B4GALT5: variants seen among roughly 807,000 people sequenced by gnomAD.
The protein encoded by B4GALT5 is beta-1,4-galactosyltransferase 5.
In B4GALT5, 11 loss-of-function variants were observed where a neutral mutation model predicts 45.0. The observed-to-expected ratio is 0.24, with a 90% CI of 0.15 to 0.40. B4GALT5 has a LOEUF of 0.40. Among genes scored for constraint, B4GALT5 ranks in the 10% least tolerant of loss-of-function variants. The probability of loss-of-function intolerance (pLI) is 1.00; values close to 1 mark genes in which losing one functional copy is unlikely to be tolerated. For synonymous variants in B4GALT5, 185 were observed against 182.9 expected (o/e 1.01, Z -0.09); for missense variants, 337 against 500.2 (o/e 0.67, Z 3.11).
intron 1 of B4GALT5, among the ~76,000 whole-genome samples, chr20:49,671,724 T>C (rs753228298): frequency 1.3e-5 from 2 of 152,212 alleles, no homozygotes; most frequent in Non-Finnish European, 2.9e-5. Context: ...AGTAACCAAA[T>C]CTGTTTAAAT....
intron 2 of B4GALT5, among the ~76,000 whole-genome samples, chr20:49,650,960 T>C (rs2085620171): frequency 6.6e-6 from 1 of 152,176 alleles, no homozygotes; most frequent in African/African-American, 2.4e-5. Flanking sequence ...AACCTGGACA[T>C]GTTCTTGAAG....
intron 3 of B4GALT5, among the ~76,000 whole-genome samples, chr20:49,644,633 G>A (rs1200065803): frequency 2.0e-5 from 3 of 152,090 alleles, no homozygotes; most frequent in African/African-American, 4.8e-5. Context: ...GCCTGTCAAC[G>A]CCTATTTCTG....
intron 1 of B4GALT5, among the ~76,000 whole-genome samples, chr20:49,679,771 T>C (rs953223923): frequency 7.9e-5 from 12 of 152,210 alleles, no homozygotes; most frequent in Non-Finnish European, 1.8e-4. Context: ...CAGCCAGGTT[T>C]TCCTTTAACA....
intron 5 of B4GALT5, among the ~76,000 whole-genome samples, chr20:49,641,386 T>TAAAACAAGACAAAAC (rs1160575409): frequency 1.3e-5 from 2 of 152,218 alleles, no homozygotes; most frequent in Non-Finnish European, 2.9e-5. Flanking sequence ...TTTGTCTTGT[T>TAAAACAAGACAAAAC]TTATTTTTAA....
intron 1 of B4GALT5, among the ~76,000 whole-genome samples, chr20:49,657,620 G>A (rs887600399): frequency 8.5e-5 from 13 of 152,154 alleles, no homozygotes; most frequent in African/African-American, 3.1e-4. Context: ...TGTTACAGGG[G>A]TGGAACATTT....
Position 49,636,462 on chromosome 20 carries a change from G to A in B4GALT5, c.1020-3C>T, listed in dbSNP as rs765293385. 1.7e-5 allele frequency: 27 copies of A among 1,614,016 alleles called. No homozygotes were observed. In the Admixed American group the frequency reaches 3.3e-4, roughly 20 times the overall value. On this transcript the variant is annotated splice_polypyrimidine_tract_variant and splice_region_variant and intron_variant, in intron 8 of 8. Transcript: ENST00000371711. ...TTGACTTCCTCAGCAGAGCATACCT[G>A]TTTAGGGAGGGAACAGAGAAGAGGT...
At chr20:49,669,582 G>A (rs1235754567) in intron 1 of B4GALT5, among the ~76,000 whole-genome samples, 2 of 151,444 alleles carry the variant, frequency 1.3e-5, no homozygotes, top group Admixed American at 1.3e-4. Flanking sequence ...TGTAATCCCA[G>A]TTACTCGGGA....
intron 1 of B4GALT5, among the ~76,000 whole-genome samples, chr20:49,688,317 A>G (rs1216618559): frequency 6.6e-6 from 1 of 152,212 alleles, no homozygotes; most frequent in East Asian, 1.9e-4. Context: ...CTAAGAAGAC[A>G]AAGATTAAAG....
intron 3 of B4GALT5, among the ~76,000 whole-genome samples, chr20:49,646,658 C>T (rs1025627901): frequency 1.3e-5 from 2 of 152,062 alleles, no homozygotes; most frequent in South Asian, 4.2e-4. Context: ...AAAGTACCCT[C>T]GTTGTTAAGC....
At chr20:49,705,083 T>C (rs911375091) in intron 1 of B4GALT5, among the ~76,000 whole-genome samples, 9 of 152,154 alleles carry the variant, frequency 5.9e-5, no homozygotes, top group African/African-American at 2.2e-4. Context: ...ACTGAATTCA[T>C]GCAACCAGCA....
In B4GALT5 at chr20:49,664,882, T is replaced by C. The variant is rs575949489; in HGVS notation, c.116-8180A>G. Among the ~76,000 whole-genome samples, 41 of 152,362 alleles carry C rather than the reference T, an allele frequency of 2.7e-4. No homozygotes were observed. The South Asian group carries it at 8.1e-3, about 30-fold the overall frequency. Reference sequence around the variant, plus strand: ...TGCATATAAAAAGTTAAAGCAAATGTGACAAAATGCTACCAACTGGTGAAC... The same window carrying C: ...TGCATATAAAAAGTTAAAGCAAATGCGACAAAATGCTACCAACTGGTGAAC... On this transcript the variant is annotated intron_variant, in intron 1 of 8. Transcript: ENST00000371711.
chr20:49,702,572 A>C (rs891235655), intron 1 of B4GALT5, among the ~76,000 whole-genome samples: 2 of 152,072 alleles, frequency 1.3e-5, no homozygotes, highest in Non-Finnish European at 2.9e-5. Context: ...AACTCCTAAC[A>C]GGCCGGGCAT....
chr20:49,695,097 CTT>C (rs763721449), intron 1 of B4GALT5, among the ~76,000 whole-genome samples: 61 of 135,414 alleles, frequency 4.5e-4, no homozygotes, highest in Admixed American at 7.4e-4. Flanking sequence ...TCATTAGGTT[CTT>C]TTTTTTTTTT....
chr20:49,637,878 G>T (rs1327463622), intron 7 of B4GALT5, among the ~76,000 whole-genome samples: 4 of 152,020 alleles, frequency 2.6e-5, no homozygotes, highest in African/African-American at 9.7e-5. Context: ...GGCAAAGGTT[G>T]CAGTGAGCAA....
At chr20:49,663,685 A>AGAAAG (rs375262032) in intron 1 of B4GALT5, among the ~76,000 whole-genome samples, 5 of 60,098 alleles carry the variant, frequency 8.3e-5, no homozygotes, top group African/African-American at 3.1e-4. Flanking sequence ...GAAAAAAAAA[A>AGAAAG]AAAAAATATA....
chr20:49,666,273 C>G lies in B4GALT5; in HGVS notation c.116-9571G>C, dbSNP rs76990266. On this transcript the variant is annotated intron_variant, in intron 1 of 8. Coordinates refer to ENST00000371711, the MANE Select transcript of B4GALT5 (RefSeq NM_004776.4). ...CTACATGGAGCAATGCAGAGGAACA[C>G]CACATCTCCATGGCATGTAGAGTGG... 2.7e-4 allele frequency among the ~76,000 whole-genome samples: 41 copies of G among 152,154 alleles called. No individual in the cohort carries two copies. The East Asian group carries it at 7.7e-3, about 29-fold the overall frequency.
chr20:49,643,313 AG>A (rs1247366686), intron 4 of B4GALT5, among the ~76,000 whole-genome samples: 1 of 152,236 alleles, frequency 6.6e-6, no homozygotes, highest in African/African-American at 2.4e-5. Context: ...GGAAGACCAA[AG>A]GGTCTTGCTC....
chr20:49,711,167 A>G (rs761705935), intron 1 of B4GALT5, among the ~76,000 whole-genome samples: 17 of 152,204 alleles, frequency 1.1e-4, no homozygotes, highest in Non-Finnish European at 2.1e-4. Context: ...TCTCACGAAC[A>G]AAATTTCCAT....
Position 49,636,208 on chromosome 20 carries a change from T to C in B4GALT5, c.*104A>G. ...CTCTGTGATCCTTCATGAGACACAG[T>C]ATTTCTGTTCTCTTGCTGTGTAGAC... is the stretch of plus-strand genomic sequence containing the variant. On this transcript the variant is annotated 3_prime_UTR_variant, in exon 9 of 9. Coordinates refer to ENST00000371711, the MANE Select transcript of B4GALT5 (RefSeq NM_004776.4). The C allele has an allele frequency of 1.4e-6, 2 of 1,385,132 alleles. No homozygotes were observed. Among genetic ancestry groups the C allele is most frequent in the Non-Finnish European group, 2.0e-6 (2 of 1,003,580 alleles). 85.8% of individuals were successfully genotyped at this position (1,385,132 alleles called of 1,614,324 possible).
Sources: gnomAD v4.1 joint callset for allele counts (sites outside exome capture counted in the v4.1 genomes callset) on GRCh38, gnomAD v4.1.1 for gene constraint, MANE v1.5 for transcripts, NCBI Gene and HGNC (gene_info 2026-07-23, HGNC 2026-07-21) for gene names.